Variants in SLC47A2 observed in about 807,000 individuals in gnomAD.
SLC47A2 encodes the protein solute carrier family 47 member 2, also known as multidrug and toxin extrusion protein 2.
Under a neutral mutation model 67.7 loss-of-function variants are expected in SLC47A2, and 52 were observed. The observed-to-expected ratio is 0.77, with a 90% CI of 0.61 to 0.97. The LOEUF is 0.97. SLC47A2 is among the 50% of genes least tolerant of loss of function. SLC47A2 has a pLI of 0.00. For synonymous variants in SLC47A2, 278 were observed against 292.9 expected (o/e 0.95, Z 0.52); for missense variants, 676 against 712.3 (o/e 0.95, Z 0.58).
chr17:19,678,443 G>C lies in SLC47A2; in HGVS notation c.*243C>G. On this transcript the variant is annotated 3_prime_UTR_variant, in exon 17 of 17. Transcript: ENST00000433844. ...TGGACTCTGACTCGTGCAGTTGGCT[G>C]ATGTCTTCTGTAGAGCAGTCCAAGT... 1.9e-6 allele frequency: 1 copy of C among 537,432 alleles called. No homozygotes were observed. The highest frequency in any genetic ancestry group is 3.0e-5 in the East Asian group (1 of 33,702). 33.3% of individuals were successfully genotyped at this position (537,432 alleles called of 1,614,324 possible). A position where few individuals can be genotyped will look rare whatever the true frequency, so the allele number is the denominator to read the frequency against.
chr17:19,701,226 A>AG (rs1444526987), intron 13 of SLC47A2, among the ~76,000 whole-genome samples: 5 of 152,094 alleles, frequency 3.3e-5, no homozygotes, highest in African/African-American at 1.2e-4. Context: ...GGCTCCATAA[A>AG]GTAGTTTCAT....
In SLC47A2 at chr17:19,712,746, C is replaced by T. The variant is rs1395103511; in HGVS notation, c.444-1G>A. The T allele has an allele frequency of 6.2e-7, 1 of 1,612,704 alleles. No homozygotes were observed. Among genetic ancestry groups the T allele is most frequent in the Non-Finnish European group, 8.5e-7 (1 of 1,179,598 alleles). The stretch of plus-strand genomic sequence containing the variant: ...AATCATTACATAGTCCTGGGTCAAC[C>T]TGCAAGAGAGGGAGAAGCTCCGGAG... On this transcript the variant is annotated splice_acceptor_variant, in intron 4 of 16. Transcript: ENST00000433844. LOFTEE classifies it high-confidence loss of function.
chr17:19,705,691 C>T (rs2085916186), intron 9 of SLC47A2, among the ~76,000 whole-genome samples, 188 bp from the exon 10 acceptor site: 1 of 152,084 alleles, frequency 6.6e-6, no homozygotes, highest in Non-Finnish European at 1.5e-5. Context: ...CCTCCACCTC[C>T]TGGCTTAGGT....
intron 15 of SLC47A2, among the ~76,000 whole-genome samples, chr17:19,680,772 G>A (rs12937179): frequency 0.21 from 31,405 of 152,100 alleles, 3,679 homozygotes; most frequent in East Asian, 0.4. Flanking sequence ...GTTCAGACTA[G>A]TTTGAGTTCT....
At chr17:19,698,435 C>T (rs967771136) in intron 13 of SLC47A2, among the ~76,000 whole-genome samples, 7 of 152,190 alleles carry the variant, frequency 4.6e-5, no homozygotes, top group Non-Finnish European at 7.3e-5. Context: ...TTACTGCAAC[C>T]TCCACCTCCC....
chr17:19,696,446 G>A lies in SLC47A2; in HGVS notation c.1164+6159C>T, dbSNP rs552703222. 4.1e-3 allele frequency among the ~76,000 whole-genome samples: 556 copies of A among 135,244 alleles called. 4 individuals carry two copies. Among genetic ancestry groups the A allele is most frequent in the African/African-American group, 0.014 (509 of 36,134 alleles). The allele number at this position is 135,244 out of a possible 152,430, so 88.7% of individuals were successfully genotyped here. A position where few individuals can be genotyped will look rare whatever the true frequency, so the allele number is the denominator to read the frequency against. On this transcript the variant is annotated intron_variant, in intron 13 of 16. Transcript: ENST00000433844. ...TACTGCACTCCAGCCTGGCAACATAGCAAGACTCCATCTCAAAAAAAAAAA... is the reference window on the plus strand; with the variant it reads ...TACTGCACTCCAGCCTGGCAACATAACAAGACTCCATCTCAAAAAAAAAAA...
chr17:19,707,933 G>A lies in SLC47A2; in HGVS notation c.630-90C>T, dbSNP rs8077196. 5.5e-5 allele frequency: 67 copies of A among 1,211,968 alleles called. No individual in the cohort carries two copies. In the African/African-American group the frequency reaches 5.6e-4, roughly 10 times the overall value. The allele number at this position is 1,211,968 out of a possible 1,614,324, so 75.1% of individuals were successfully genotyped here. A position where few individuals can be genotyped will look rare whatever the true frequency, so the allele number is the denominator to read the frequency against. On this transcript the variant is annotated intron_variant, in intron 7 of 16. Coordinates refer to ENST00000433844, the MANE Select transcript of SLC47A2 (RefSeq NM_001099646.3). ...GAGAGGTGGCTCTGGCGGCCAGCCC[G>A]TGTGGGGCAGGCATGGCTCTGCTCT...
intron 13 of SLC47A2, among the ~76,000 whole-genome samples, chr17:19,697,100 G>A (rs1597611378): frequency 6.6e-6 from 1 of 152,226 alleles, no homozygotes; most frequent in East Asian, 1.9e-4. Context: ...GACCATCCTG[G>A]CTAACACGGT....
chr17:19,682,329 T>TCACACACACACACA (rs376421449), intron 13 of SLC47A2, among the ~76,000 whole-genome samples: 58 of 143,884 alleles, frequency 4.0e-4, no homozygotes, highest in East Asian at 1.3e-3. Flanking sequence ...CGAGACTTGG[T>TCACACACACACACA]CACACACACA....
intron 3 of SLC47A2, among the ~76,000 whole-genome samples, chr17:19,714,278 C>T (rs2086190039): frequency 6.6e-6 from 1 of 152,212 alleles, no homozygotes; most frequent in South Asian, 2.1e-4. Context: ...CTAAAACCCC[C>T]AGGGAGAGGT....
chr17:19,703,427 C>T (rs1369201884), intron 11 of SLC47A2, among the ~76,000 whole-genome samples: 1 of 152,244 alleles, frequency 6.6e-6, no homozygotes, highest in African/African-American at 2.4e-5. Flanking sequence ...GCAGCATTAG[C>T]ATCACGTGGG....
At chr17:19,709,509 G>A (rs1306714221) in intron 5 of SLC47A2, among the ~76,000 whole-genome samples, 1 of 152,162 alleles carries the variant, frequency 6.6e-6, no homozygotes, top group African/African-American at 2.4e-5. Context: ...TGCCTCTTCT[G>A]AGATGTGTGA....
chr17:19,704,978 A>T (rs1270150295), intron 10 of SLC47A2: 3 of 387,628 alleles, frequency 7.7e-6, no homozygotes, highest in African/African-American at 4.1e-5. Context: ...GGCTTGTGCC[A>T]CCATACCTGG....
At position 19,678,393 on chromosome 17, in the gene SLC47A2, CATT is replaced by C; in HGVS notation, c.*290_*292del. ...GCAGTGTCCCATTTGAAGCCATTTA[CATT>C]ATTAATAATAGTGACAATCCCTGGA... On this transcript the variant is annotated 3_prime_UTR_variant, in exon 17 of 17. Transcript: ENST00000433844. 1 of 393,192 alleles carries C rather than the reference CATT, an allele frequency of 2.5e-6. No homozygotes were observed. The highest frequency in any genetic ancestry group is 4.3e-5 in the South Asian group (1 of 23,326). The allele number at this position is 393,192 out of a possible 1,614,324, so 24.4% of individuals were successfully genotyped here.
intron 13 of SLC47A2, among the ~76,000 whole-genome samples, chr17:19,695,962 T>C (rs111481197): frequency 0.21 from 31,400 of 151,272 alleles, 3,656 homozygotes; most frequent in East Asian, 0.38. Flanking sequence ...TGACCTCAGG[T>C]GATCTGCCAC....
intron 13 of SLC47A2, among the ~76,000 whole-genome samples, chr17:19,682,366 A>AG (rs1555537233): frequency 1.0e-5 from 1 of 96,082 alleles, no homozygotes. Flanking sequence ...CACACACACA[A>AG]ATTTATTATT....
At chr17:19,691,730 TAAAA>T (rs2085545331) in intron 13 of SLC47A2, among the ~76,000 whole-genome samples, 1 of 152,224 alleles carries the variant, frequency 6.6e-6, no homozygotes, top group African/African-American at 2.4e-5. Flanking sequence ...TTATACATTT[TAAAA>T]TAAAAGTATA....
At chr17:19,710,816 CTT>C (rs34676875) in intron 5 of SLC47A2, among the ~76,000 whole-genome samples, 8 of 139,954 alleles carry the variant, frequency 5.7e-5, no homozygotes, top group African/African-American at 7.9e-5. Flanking sequence ...ATTCACAAAT[CTT>C]TTTTTTTTTT....
intron 12 of SLC47A2, 143 bp downstream of exon 12, chr17:19,702,949 G>C: frequency 2.1e-6 from 2 of 957,442 alleles, no homozygotes; most frequent in Non-Finnish European, 1.6e-6. Context: ...ACAGAAGTTG[G>C]CTTCCTCTCA....
Sources: gnomAD v4.1 joint callset for allele counts (sites outside exome capture counted in the v4.1 genomes callset) on GRCh38, gnomAD v4.1.1 for gene constraint, MANE v1.5 for transcripts, NCBI Gene and HGNC (gene_info 2026-07-23, HGNC 2026-07-21) for gene names.